The following IGF2R variants were observed in gnomAD, a reference collection of about 807,000 sequenced individuals.
IGF2R encodes the protein insulin like growth factor 2 receptor, also known as cation-independent mannose-6-phosphate receptor.
Under a neutral mutation model 270.6 loss-of-function variants are expected in IGF2R, and 91 were observed. The observed-to-expected ratio is 0.34, with a 90% confidence interval of 0.28 to 0.40. The LOEUF is 0.40. Ranked by LOEUF, IGF2R falls within the 10% of genes least tolerant of loss-of-function variation. The probability of loss-of-function intolerance (pLI) is 1.00; values close to 1 mark genes in which losing one functional copy is unlikely to be tolerated. For missense variants in IGF2R, 2,805 were observed against 3,188.3 expected (o/e 0.88, Z 2.90); for synonymous variants, 1,316 against 1,258.9 (o/e 1.05, Z -0.96).
intron 45 of IGF2R, among the ~76,000 whole-genome samples, chr6:160,097,454 C>T (rs1281064780): frequency 6.6e-6 from 1 of 152,172 alleles, no homozygotes; most frequent in African/African-American, 2.4e-5. Flanking sequence ...CTCAGCCTCC[C>T]AAGTAGCTGG....
rs918583832 is a variant in IGF2R, at chr6:159,986,977, A to G, written c.150-4207A>G. Among the ~76,000 whole-genome samples, 4 of 152,212 alleles carry G rather than the reference A, an allele frequency of 2.6e-5. No homozygotes were observed. In the East Asian group the frequency reaches 7.7e-4, roughly 29 times the overall value. On this transcript the variant is annotated intron_variant, in intron 1 of 47. Coordinates refer to ENST00000356956, the MANE Select transcript of IGF2R (RefSeq NM_000876.4). Reference sequence around the variant, plus strand: ...ACAAAAAATTTATTATTCCTCAAAGATATCATTACATTTTATTTAGTCTGT... The same window carrying G: ...ACAAAAAATTTATTATTCCTCAAAGGTATCATTACATTTTATTTAGTCTGT...
rs1215752101 is a variant in IGF2R, at chr6:160,056,434, C to T, written c.2705C>T (p.Pro902Leu). Residue 902 changes from proline to leucine, a missense_variant, in exon 20 of 48, where the codon CCC (proline) becomes CTC (leucine). Pro to Leu is a moderately conservative substitution (Grantham distance 98). Transcript: ENST00000356956. ...GATTTGCCCATTCAGAACAGCCACC[C>T]CATCTTTTCTCTCAACTGGGAGTGT... ...VCSRGRLNSH[P>L]IFSLNWECVV... is the part of the protein sequence containing the mutation. 1.2e-6 allele frequency: 2 copies of T among 1,613,130 alleles called. No homozygotes were observed. Among genetic ancestry groups the T allele is most frequent in the Middle Eastern group, 1.7e-4 (1 of 6,056 alleles).
intron 10 of IGF2R, among the ~76,000 whole-genome samples, chr6:160,037,768 T>C (rs1005791939): frequency 1.3e-5 from 2 of 152,120 alleles, no homozygotes; most frequent in African/African-American, 2.4e-5. Flanking sequence ...CTTAGTTCAG[T>C]GCTAGTCTTT....
chr6:159,988,895 A>G (rs1385098426), intron 1 of IGF2R, among the ~76,000 whole-genome samples: 19 of 152,188 alleles, frequency 1.2e-4, no homozygotes, highest in Admixed American at 1.2e-3. Context: ...TGTGAAACAC[A>G]TGAATAAAGG....
At chr6:159,989,926 G>A (rs1302731607) in intron 1 of IGF2R, among the ~76,000 whole-genome samples, 1 of 152,216 alleles carries the variant, frequency 6.6e-6, no homozygotes, top group East Asian at 1.9e-4. Context: ...ACTGATTGAT[G>A]CATTAGCAAT....
intron 4 of IGF2R, among the ~76,000 whole-genome samples, chr6:160,012,764 T>TA (rs538085462): frequency 0.35 from 20,072 of 56,562 alleles, 2,334 homozygotes; most frequent in East Asian, 0.43. Context: ...TATATATATA[T>TA]TTTTTTTTTT....
rs1249217181 is a variant in IGF2R, at chr6:160,072,931, G to A, written c.4690+47G>A. 2.6e-6 allele frequency: 4 copies of A among 1,568,036 alleles called. No individual in the cohort carries two copies. In the South Asian group the frequency reaches 4.8e-5, roughly 19 times the overall value. On this transcript the variant is annotated intron_variant, in intron 33 of 47. Coordinates refer to ENST00000356956, the MANE Select transcript of IGF2R (RefSeq NM_000876.4). Reference sequence around the variant, plus strand: ...GTGTTGTCTGACTCTCCCGTCCTCTGGGGTTGTCCTCAGTCTCTTTGCATG... The same window carrying A: ...GTGTTGTCTGACTCTCCCGTCCTCTAGGGTTGTCCTCAGTCTCTTTGCATG...
At chr6:160,039,743 G>C (rs1448854337) in intron 10 of IGF2R, among the ~76,000 whole-genome samples, 10 of 152,160 alleles carry the variant, frequency 6.6e-5, no homozygotes, top group Non-Finnish European at 1.5e-4. Context: ...CGGACCCCTA[G>C]CCTGGAAAGG....
intron 4 of IGF2R, among the ~76,000 whole-genome samples, chr6:160,016,373 A>G (rs894236986): frequency 1.4e-4 from 21 of 152,208 alleles, no homozygotes; most frequent in African/African-American, 5.1e-4. Context: ...TGCCTGACCC[A>G]GCTCCACCCA....
At chr6:160,045,962 T>C in intron 14 of IGF2R, 80 bp downstream of exon 14, 1 of 1,275,542 alleles carries the variant, frequency 7.8e-7, no homozygotes, top group African/African-American at 1.5e-5. Flanking sequence ...TGTGTGAGGT[T>C]TTCAAGGTGA....
intron 1 of IGF2R, among the ~76,000 whole-genome samples, chr6:159,977,486 C>T (rs1191125961): frequency 7.2e-6 from 1 of 138,220 alleles, no homozygotes. Flanking sequence ...ATGTCACCCC[C>T]AAGCGCTGTT....
intron 4 of IGF2R, among the ~76,000 whole-genome samples, chr6:160,019,680 G>A (rs1445768743): frequency 6.6e-6 from 1 of 152,034 alleles, no homozygotes; most frequent in Non-Finnish European, 1.5e-5. Context: ...ATCAATAAAT[G>A]TGATTCACCA....
intron 2 of IGF2R, among the ~76,000 whole-genome samples, chr6:159,995,536 T>C (rs1784039177): frequency 6.6e-6 from 1 of 152,290 alleles, no homozygotes; most frequent in South Asian, 2.1e-4. Context: ...GATGTGAGTT[T>C]TATACCTTTT....
At chr6:159,995,861 A>T (rs1339266468) in intron 2 of IGF2R, among the ~76,000 whole-genome samples, 2 of 143,656 alleles carry the variant, frequency 1.4e-5, no homozygotes, top group African/African-American at 2.6e-5. Flanking sequence ...ACTGCTGGAG[A>T]GTTAGTGTGA....
chr6:159,996,338 A>G (rs1056729065), intron 2 of IGF2R, among the ~76,000 whole-genome samples: 5 of 152,160 alleles, frequency 3.3e-5, no homozygotes, highest in Admixed American at 1.3e-4. Context: ...GGGTGGGTCT[A>G]TGAGTCTCTG....
At chr6:160,027,049 C>T in intron 5 of IGF2R, 136 bp from the exon 6 acceptor site, 1 of 946,182 alleles carries the variant, frequency 1.1e-6, no homozygotes, top group Non-Finnish European at 1.6e-6. Context: ...TAATGGCTTG[C>T]CCAAGGTTTC....
At chr6:160,010,884 T>G in intron 4 of IGF2R, 99 bp downstream of exon 4, 1 of 678,804 alleles carries the variant, frequency 1.5e-6, no homozygotes, top group Non-Finnish European at 2.5e-6. Flanking sequence ...AAATCTTTTT[T>G]AGCTTCCAAA....
rs8191818 is a variant in IGF2R at position 160,050,159 on chromosome 6, T to G, written c.2515-314T>G. On this transcript the variant is annotated intron_variant, in intron 18 of 47. Coordinates refer to ENST00000356956, the MANE Select transcript of IGF2R (RefSeq NM_000876.4). The surrounding 1 kb of genome is among the most constrained non-coding windows in gnomAD (Gnocchi z 4.0). ...GATTATTGAACGAAAGCCTTATGAT[T>G]CCAATGCCAGTGATTCTTTCTGTAG... 0.1 allele frequency among the ~76,000 whole-genome samples: 15,389 copies of G among 152,212 alleles called. 1,177 individuals are homozygous for G. The highest frequency in any genetic ancestry group is 0.32 in the East Asian group (1,674 of 5,174).
intron 20 of IGF2R, among the ~76,000 whole-genome samples, chr6:160,056,968 G>T (rs899818365): frequency 1.3e-5 from 2 of 152,184 alleles, no homozygotes; most frequent in Admixed American, 6.5e-5. Context: ...ATGTGATCCT[G>T]TCTATAGGGT....
Sources: gnomAD v4.1 joint callset for allele counts (sites outside exome capture counted in the v4.1 genomes callset) on GRCh38, gnomAD v4.1.1 for gene constraint, Gnocchi (gnomAD v3.1) non-coding constraint, MANE v1.5 for transcripts, NCBI Gene and HGNC (gene_info 2026-07-23, HGNC 2026-07-21) for gene names.